The following PCDHAC1 variants were observed in gnomAD, a reference collection of about 807,000 sequenced individuals.
The protein encoded by PCDHAC1 is protocadherin alpha-C1.
PCDHAC1 carries 42 observed loss-of-function variants against 60.0 expected under a neutral mutation model. That is an observed-to-expected ratio of 0.70 (90% CI 0.55 to 0.90). The LOEUF (loss-of-function observed/expected upper bound fraction) is 0.90, where lower values mean the gene tolerates loss of function less well. Among genes scored for constraint, PCDHAC1 ranks in the 40% least tolerant of loss-of-function variants. The pLI is 0.00. For missense variants in PCDHAC1, 1,160 were observed against 1,222.3 expected (o/e 0.95, Z 0.76); for synonymous variants, 468 against 499.3 (o/e 0.94, Z 0.84).
In PCDHAC1 at chr5:140,966,787, A is replaced by C. The variant is rs781920865; in HGVS notation, c.2434-12162A>C. 5.9e-5 allele frequency: 90 copies of C among 1,526,700 alleles called. No homozygotes were observed. Among genetic ancestry groups the C allele is most frequent in the Non-Finnish European group, 7.7e-5 (88 of 1,139,948 alleles). The allele number at this position is 1,526,700 out of a possible 1,614,324, so 94.6% of individuals were successfully genotyped here. On this transcript the variant is annotated intron_variant, in intron 1 of 3. Coordinates refer to ENST00000253807, the MANE Select transcript of PCDHAC1 (RefSeq NM_018898.5). ...TGGCTATGGAGCAGGCGGGCACCAG[A>C]CCTGCGGCGACAGAGCATCCACGGC...
Position 140,986,130 on chromosome 5 carries a change from G to T in PCDHAC1, c.2581+3567G>T, listed in dbSNP as rs150350316. ...AGATAAAGATGCCACACTCTGAAAGGATCAACAAGGGCATCACCAAGTAAT... is the reference window on the plus strand; with the variant it reads ...AGATAAAGATGCCACACTCTGAAAGTATCAACAAGGGCATCACCAAGTAAT... On this transcript the variant is annotated intron_variant, in intron 3 of 3. Coordinates refer to ENST00000253807, the MANE Select transcript of PCDHAC1 (RefSeq NM_018898.5). 8.5e-5 allele frequency among the ~76,000 whole-genome samples: 13 copies of T among 152,216 alleles called. 1 individual carries two copies. The East Asian group carries it at 2.5e-3, about 29-fold the overall frequency.
At chr5:140,983,272 G>A (rs2097037556) in intron 3 of PCDHAC1, among the ~76,000 whole-genome samples, 1 of 152,176 alleles carries the variant, frequency 6.6e-6, no homozygotes, top group African/African-American at 2.4e-5. Context: ...TAATGGCTGG[G>A]TGAGTATAGG....
At chr5:140,997,044 T>C (rs2097756836) in intron 3 of PCDHAC1, among the ~76,000 whole-genome samples, 1 of 152,180 alleles carries the variant, frequency 6.6e-6, no homozygotes, top group South Asian at 2.1e-4. Flanking sequence ...TGAACTTTAC[T>C]TTTTAGAGCA....
Position 141,009,646 on chromosome 5 carries a change from G to A in PCDHAC1, c.2601G>A (p.Val867=), listed in dbSNP as rs369515881. 16 of 1,613,668 alleles carry A rather than the reference G, an allele frequency of 9.9e-6. No individual in the cohort carries two copies. The highest frequency in any genetic ancestry group is 5.5e-5 in the South Asian group (5 of 91,030). ...TTTCAGAACCAGAGGCAGGAGAAGT[G>A]TCCCCTCCAGTCGGTGCGGGTGTCA... is the stretch of plus-strand genomic sequence containing the variant. ...SATPEPEAGE[V]SPPVGAGVNS... The change falls in exon 4 of 4, where the codon GTG becomes GTA. Residue 867 remains valine, a synonymous_variant. Coordinates refer to ENST00000253807, the MANE Select transcript of PCDHAC1 (RefSeq NM_018898.5).
At chr5:141,007,306 T>C (rs1050571899) in intron 3 of PCDHAC1, among the ~76,000 whole-genome samples, 8 of 151,500 alleles carry the variant, frequency 5.3e-5, no homozygotes, top group Admixed American at 3.3e-4. Context: ...ATCTTAGCAT[T>C]TTGGGAGGCT....
At chr5:140,970,327 A>AGCATG (rs2096397524) in intron 1 of PCDHAC1, among the ~76,000 whole-genome samples, 1 of 152,204 alleles carries the variant, frequency 6.6e-6, no homozygotes, top group African/African-American at 2.4e-5. Context: ...GTACTTCCAA[A>AGCATG]GCATGCATTC....
intron 1 of PCDHAC1, chr5:140,966,441 C>A (rs2096002534): frequency 4.7e-6 from 2 of 424,804 alleles, no homozygotes; most frequent in South Asian, 1.8e-4. Context: ...CTACCGCTCC[C>A]TTTCCCCCTC....
At chr5:140,990,858 T>C (rs1243458417) in intron 3 of PCDHAC1, among the ~76,000 whole-genome samples, 2 of 152,172 alleles carry the variant, frequency 1.3e-5, no homozygotes, top group African/African-American at 2.4e-5. Flanking sequence ...CCTGAGGACA[T>C]TGTATTTTAA....
chr5:140,969,276 G>T, intron 1 of PCDHAC1: 1 of 1,614,202 alleles, frequency 6.2e-7, no homozygotes, highest in Non-Finnish European at 8.5e-7. Context: ...GGCCAAAGTG[G>T]TCAGAATGCT....
chr5:140,929,532 G>T, intron 1 of PCDHAC1: 1 of 602,214 alleles, frequency 1.7e-6, no homozygotes, highest in Non-Finnish European at 2.5e-6. Flanking sequence ...TTATTTTTGA[G>T]AAACAAGGGC....
chr5:140,951,493 A>C (rs1554219918), intron 1 of PCDHAC1, among the ~76,000 whole-genome samples: 1 of 152,022 alleles, frequency 6.6e-6, no homozygotes, highest in Non-Finnish European at 1.5e-5. Context: ...TCATGGTGGA[A>C]GGCAAAAGGA....
chr5:140,997,071 A>G lies in PCDHAC1; in HGVS notation c.2582-12556A>G, dbSNP rs554920320. Among the ~76,000 whole-genome samples, 444 of 152,266 alleles carry G rather than the reference A, an allele frequency of 2.9e-3. 5 individuals carry two copies. Among genetic ancestry groups the G allele is most frequent in the Non-Finnish European group, 4.4e-3 (297 of 68,014 alleles). Reference sequence around the variant, plus strand: ...TTTAGAGCAGTTTTAGGTTCACAGGAAAGTTGAGTAGAAAGTGCAGAGTTC... The same window carrying G: ...TTTAGAGCAGTTTTAGGTTCACAGGGAAGTTGAGTAGAAAGTGCAGAGTTC... On this transcript the variant is annotated intron_variant, in intron 3 of 3. Coordinates refer to ENST00000253807, the MANE Select transcript of PCDHAC1 (RefSeq NM_018898.5).
intron 3 of PCDHAC1, among the ~76,000 whole-genome samples, chr5:140,990,384 T>A (rs2097391380): frequency 6.6e-6 from 1 of 152,186 alleles, no homozygotes; most frequent in Non-Finnish European, 1.5e-5. Context: ...TTGTTGGTGA[T>A]GTTCCAAGAA....
At chr5:140,968,017 C>T (rs782195997) in intron 1 of PCDHAC1, 2 of 1,614,216 alleles carry the variant, frequency 1.2e-6, no homozygotes, top group East Asian at 2.2e-5. Context: ...GCTTTGGAAA[C>T]TCCTATACAC....
intron 3 of PCDHAC1, among the ~76,000 whole-genome samples, chr5:141,006,117 T>C (rs2098255751): frequency 6.6e-6 from 1 of 152,094 alleles, no homozygotes; most frequent in African/African-American, 2.4e-5. Flanking sequence ...TTTTTTTTTT[T>C]TTCTCAAGGC....
chr5:140,952,338 CAAA>C (rs55931446), intron 1 of PCDHAC1, among the ~76,000 whole-genome samples: 80,539 of 134,836 alleles, frequency 0.6, 22,945 homozygotes, highest in African/African-American at 0.71. Context: ...AACTCCATCT[CAAA>C]AAAAAAAAAA....
chr5:141,000,385 C>CTA (rs2097909674), intron 3 of PCDHAC1, among the ~76,000 whole-genome samples: 1 of 64,994 alleles, frequency 1.5e-5, no homozygotes, highest in Non-Finnish European at 2.9e-5. Context: ...CTCTCTCTCT[C>CTA]TCTCTCTCTC....
chr5:140,968,643 A>G (rs2096261293), intron 1 of PCDHAC1: 1 of 1,614,198 alleles, frequency 6.2e-7, no homozygotes. Context: ...CATCTAGCCC[A>G]GACTTCTGAC....
chr5:140,954,615 C>A (rs782262504), intron 1 of PCDHAC1, among the ~76,000 whole-genome samples: 16 of 151,806 alleles, frequency 1.1e-4, no homozygotes, highest in Non-Finnish European at 1.6e-4. Context: ...TTTTAATGGG[C>A]TTGTTTGGGT....
Sources: gnomAD v4.1 joint callset for allele counts (sites outside exome capture counted in the v4.1 genomes callset) on GRCh38, gnomAD v4.1.1 for gene constraint, MANE v1.5 for transcripts, NCBI Gene and HGNC (gene_info 2026-07-23, HGNC 2026-07-21) for gene names.